PLEKHA6: variants seen among roughly 807,000 people sequenced by gnomAD.
PLEKHA6 encodes pleckstrin homology domain-containing family A member 6.
PLEKHA6 carries 60 observed loss-of-function variants against 116.7 expected under a neutral mutation model. That is an observed-to-expected ratio of 0.51 (90% CI 0.42 to 0.64). The LOEUF is 0.64. Ranked by LOEUF, PLEKHA6 falls within the 30% of genes least tolerant of loss-of-function variation. The probability of loss-of-function intolerance (pLI) is 0.00; values close to 1 mark genes in which losing one functional copy is unlikely to be tolerated. For missense variants in PLEKHA6, 1,338 were observed against 1,422.7 expected, an observed-to-expected ratio of 0.94 and a Z score of 0.96; for synonymous variants, 489 against 556.1, an observed-to-expected ratio of 0.88 and a Z score of 1.70.
At chr1:204,287,597 T>C (rs1572076023) in intron 1 of PLEKHA6, among the ~76,000 whole-genome samples, 1 of 152,176 alleles carries the variant, frequency 6.6e-6, no homozygotes, top group African/African-American at 2.4e-5. Context: ...GGTTCTGTCT[T>C]ACCCTACATC....
At chr1:204,309,123 C>T (rs1014212485) in intron 1 of PLEKHA6, 19 of 858,522 alleles carry the variant, frequency 2.2e-5, no homozygotes, top group Non-Finnish European at 2.7e-5. Context: ...GCATGTAGTG[C>T]TTCATTTCTG....
chr1:204,259,846 G>A lies in PLEKHA6; in HGVS notation c.525-106C>T. On this transcript the variant is annotated intron_variant, in intron 7 of 22. Coordinates refer to ENST00000272203, the MANE Select transcript of PLEKHA6 (RefSeq NM_014935.5). This position sits in a 1 kb window ranked among gnomAD's most constrained non-coding sequence, Gnocchi z 4.6. ...AGGAGTGGGGAAGGATGGGCAGGGA[G>A]GTGGCTGGAACCAGGATTCTATGAA... is the stretch of plus-strand genomic sequence containing the variant. 8.0e-7 allele frequency: 1 copy of A among 1,245,678 alleles called. No homozygotes were observed. The highest frequency in any genetic ancestry group is 1.1e-6 in the Non-Finnish European group (1 of 912,496). The allele number at this position is 1,245,678 out of a possible 1,614,324, so 77.2% of individuals were successfully genotyped here.
At chr1:204,245,760 G>A (rs1231050937) in intron 13 of PLEKHA6, 34 bp from the exon 14 acceptor site, 1 of 1,445,824 alleles carries the variant, frequency 6.9e-7, no homozygotes, top group Non-Finnish European at 9.7e-7. Context: ...AAAGGAAATG[G>A]CCATGAGGAG....
intron 17 of PLEKHA6, among the ~76,000 whole-genome samples, chr1:204,236,929 C>T (rs1662140348): frequency 6.6e-6 from 1 of 152,200 alleles, no homozygotes; most frequent in Non-Finnish European, 1.5e-5. Context: ...GGAAGGACCC[C>T]ACTATATTAC....
At position 204,238,728 on chromosome 1, in the gene PLEKHA6, G is replaced by A. The variant is rs372807597; in HGVS notation, c.2409+2647C>T. ...AGTTCCCTATGATCAGTTGACAGAG[G>A]AAGAGAAGACTGAGGCCTGGTTCAC... On this transcript the variant is annotated intron_variant, in intron 17 of 22. Transcript: ENST00000272203. This position sits in a 1 kb window ranked among gnomAD's most constrained non-coding sequence, Gnocchi z 4.2. 2.9e-4 allele frequency among the ~76,000 whole-genome samples: 44 copies of A among 152,310 alleles called. No individual in the cohort carries two copies. Among genetic ancestry groups the A allele is most frequent in the African/African-American group, 1.1e-3 (44 of 41,574 alleles).
chr1:204,321,280 G>A (rs1037783757), intron 1 of PLEKHA6, among the ~76,000 whole-genome samples: 1 of 152,114 alleles, frequency 6.6e-6, no homozygotes, highest in Non-Finnish European at 1.5e-5. Context: ...TCAGAATCCT[G>A]AGGATCTGCA....
chr1:204,275,545 TG>T (rs150854354), intron 1 of PLEKHA6: 11 of 186,638 alleles, frequency 5.9e-5, no homozygotes, highest in South Asian at 3.9e-4. Flanking sequence ...GGTTGGGGGG[TG>T]GGGGGTAGGT....
intron 17 of PLEKHA6, among the ~76,000 whole-genome samples, chr1:204,235,707 G>A (rs1661946489): frequency 1.5e-5 from 2 of 130,358 alleles, no homozygotes. Context: ...CTGGGGACAT[G>A]TAGGAGGACC....
intron 3 of PLEKHA6, among the ~76,000 whole-genome samples, chr1:204,269,965 C>T (rs766827494): frequency 8.5e-5 from 13 of 152,180 alleles, no homozygotes; most frequent in Middle Eastern, 3.2e-3. Flanking sequence ...TGAGGTAATA[C>T]CTTCCCTTAC....
In PLEKHA6 at chr1:204,347,084, C is replaced by T. The variant is rs1162587961; in HGVS notation, c.-95+12610G>A. 2.3e-5 allele frequency: 30 copies of T among 1,326,564 alleles called. No homozygotes were observed. The South Asian group carries it at 2.6e-4, about 11-fold the overall frequency. The allele number at this position is 1,326,564 out of a possible 1,614,324, so 82.2% of individuals were successfully genotyped here. A position where few individuals can be genotyped will look rare whatever the true frequency, so the allele number is the denominator to read the frequency against. Reference sequence around the variant, plus strand: ...ACATTGTAGACTCTTCCAGTTTTGCCGTGGTAACGCGTGTGGGGCATTCCT... The same window carrying T: ...ACATTGTAGACTCTTCCAGTTTTGCTGTGGTAACGCGTGTGGGGCATTCCT... On this transcript the variant is annotated intron_variant, in intron 1 of 22. Transcript: ENST00000272203.
intron 10 of PLEKHA6, among the ~76,000 whole-genome samples, chr1:204,249,611 G>A (rs974989222): frequency 6.6e-6 from 1 of 152,148 alleles, no homozygotes; most frequent in Non-Finnish European, 1.5e-5. Flanking sequence ...GAGGTGGGCC[G>A]GGTGTCAGAA....
intron 17 of PLEKHA6, among the ~76,000 whole-genome samples, chr1:204,231,513 A>G (rs1330301573): frequency 6.6e-6 from 1 of 151,828 alleles, no homozygotes; most frequent in African/African-American, 2.4e-5. Context: ...ACCTAATACA[A>G]TGTAAATGCT....
chr1:204,340,534 C>A (rs1167896336), intron 1 of PLEKHA6, among the ~76,000 whole-genome samples: 4 of 152,264 alleles, frequency 2.6e-5, no homozygotes, highest in Non-Finnish European at 5.9e-5. Context: ...ACCAGGCAAG[C>A]GATGCTCAAA....
intron 1 of PLEKHA6, chr1:204,275,044 C>T: frequency 2.0e-6 from 1 of 511,018 alleles, no homozygotes; most frequent in Non-Finnish European, 2.5e-6. Context: ...GTGCTAACTA[C>T]TTACTAGAGT....
At chr1:204,336,769 T>G (rs1672662208) in intron 1 of PLEKHA6, among the ~76,000 whole-genome samples, 1 of 152,226 alleles carries the variant, frequency 6.6e-6, no homozygotes, top group South Asian at 2.1e-4. Context: ...ACTTGAAGAT[T>G]TGTCAAACTC....
At chr1:204,265,066 A>AGG (rs34411047) in intron 5 of PLEKHA6, 24 bp from the exon 6 acceptor site, 11 of 1,461,702 alleles carry the variant, frequency 7.5e-6, no homozygotes, top group East Asian at 4.9e-5. Context: ...AGGCACAAGA[A>AGG]GGGTGTGTGT....
At chr1:204,230,739 G>T (rs1661069878) in intron 17 of PLEKHA6, among the ~76,000 whole-genome samples, 153 bp from the exon 18 acceptor site, 1 of 152,194 alleles carries the variant, frequency 6.6e-6, no homozygotes, top group African/African-American at 2.4e-5. Flanking sequence ...CCAACCCCAG[G>T]TATCTGAGAG....
chr1:204,342,078 G>C (rs969594986), intron 1 of PLEKHA6, among the ~76,000 whole-genome samples: 1 of 152,150 alleles, frequency 6.6e-6, no homozygotes, highest in Non-Finnish European at 1.5e-5. Context: ...CCAGCTACTC[G>C]GGAGGCTGAG....
At chr1:204,321,697 T>A (rs1363258459) in intron 1 of PLEKHA6, among the ~76,000 whole-genome samples, 1 of 152,200 alleles carries the variant, frequency 6.6e-6, no homozygotes, top group Non-Finnish European at 1.5e-5. Flanking sequence ...TTTTTCTTCA[T>A]CCTTTGTTTA....
Sources: gnomAD v4.1 joint callset for allele counts (sites outside exome capture counted in the v4.1 genomes callset) on GRCh38, gnomAD v4.1.1 for gene constraint, Gnocchi (gnomAD v3.1) non-coding constraint, MANE v1.5 for transcripts, NCBI Gene and HGNC (gene_info 2026-07-23, HGNC 2026-07-21) for gene names.